The following IQCK variants were observed in gnomAD, a reference collection of about 807,000 sequenced individuals.
IQCK encodes the protein IQ motif containing K.
Under a neutral mutation model 28.1 loss-of-function variants are expected in IQCK, and 29 were observed. The observed-to-expected ratio is 1.03, with a 90% confidence interval of 0.77 to 1.41. The LOEUF (loss-of-function observed/expected upper bound fraction) is 1.41. Ranked by LOEUF, IQCK falls within the 40% of genes most tolerant of loss-of-function variation. The probability of loss-of-function intolerance (pLI) is 0.00; values close to 1 mark genes in which losing one functional copy is unlikely to be tolerated. For synonymous variants in IQCK, 113 were observed against 115.1 expected, an observed-to-expected ratio of 0.98 and a Z score of 0.12; for missense variants, 359 against 314.7, an observed-to-expected ratio of 1.14 and a Z score of -1.07.
chr16:19,738,639 C>T (rs560285779), intron 4 of IQCK, among the ~76,000 whole-genome samples: 4 of 152,238 alleles, frequency 2.6e-5, no homozygotes, highest in African/African-American at 4.8e-5. Flanking sequence ...ATTATTATGC[C>T]GATGAAATGA....
chr16:19,833,169 C>T (rs987187189), intron 9 of IQCK, among the ~76,000 whole-genome samples: 14 of 152,214 alleles, frequency 9.2e-5, no homozygotes, highest in African/African-American at 3.4e-4. Flanking sequence ...GTATTATTAA[C>T]TGTAGTTACC....
intron 6 of IQCK, among the ~76,000 whole-genome samples, chr16:19,786,240 G>T (rs191652565): frequency 2.0e-5 from 3 of 152,280 alleles, no homozygotes; most frequent in Admixed American, 2.0e-4. Context: ...AGTGGATGAG[G>T]AGAGACATTT....
chr16:19,736,186 G>A (rs891129350), intron 4 of IQCK: 12 of 455,744 alleles, frequency 2.6e-5, no homozygotes, highest in African/African-American at 2.4e-4. Flanking sequence ...GAGAGTCTTG[G>A]AACACAGTAA....
At chr16:19,735,544 C>A in intron 4 of IQCK, 94 bp downstream of exon 4, 3 of 1,032,370 alleles carry the variant, frequency 2.9e-6, no homozygotes, top group South Asian at 1.3e-5. Flanking sequence ...TCAGGTTGTT[C>A]TCCAGATGAC....
At chr16:19,764,781 C>G (rs2055204162) in intron 6 of IQCK, among the ~76,000 whole-genome samples, 1 of 149,882 alleles carries the variant, frequency 6.7e-6, no homozygotes, top group Admixed American at 6.6e-5. Context: ...AGCTCCACCT[C>G]CCGGGTTCAT....
chr16:19,746,737 C>A (rs2054918080), intron 4 of IQCK, among the ~76,000 whole-genome samples: 1 of 152,058 alleles, frequency 6.6e-6, no homozygotes, highest in South Asian at 2.1e-4. Flanking sequence ...TGAGGGTGAC[C>A]CAATGGTTCT....
chr16:19,827,806 A>G (rs1044232193), downstream of IQCK, among the ~76,000 whole-genome samples: 2 of 150,684 alleles, frequency 1.3e-5, no homozygotes, highest in African/African-American at 2.4e-5. Context: ...CAGGCCTTCA[A>G]ACCCAGACTA....
At chr16:19,820,432 G>A (rs1054356555) in intron 7 of IQCK, among the ~76,000 whole-genome samples, 2 of 152,094 alleles carry the variant, frequency 1.3e-5, no homozygotes, top group Non-Finnish European at 1.5e-5. Context: ...GGTGGATCAT[G>A]AGGTCAGCAG....
intron 9 of IQCK, among the ~76,000 whole-genome samples, chr16:19,836,608 G>C (rs1019751610): frequency 1.3e-5 from 2 of 152,134 alleles, no homozygotes; most frequent in African/African-American, 4.8e-5. Context: ...CCGCCTCCCG[G>C]GTTCAAGTGA....
intron 1 of IQCK, among the ~76,000 whole-genome samples, chr16:19,728,834 C>T (rs1414505942): frequency 6.6e-6 from 1 of 152,104 alleles, no homozygotes; most frequent in African/African-American, 2.4e-5. Context: ...CATTCTTGTC[C>T]CCAGCCTGAT....
intron 4 of IQCK, 191 bp downstream of exon 4, chr16:19,735,641 T>C: frequency 1.7e-6 from 1 of 576,480 alleles, no homozygotes; most frequent in Non-Finnish European, 3.1e-6. Context: ...CGCTGCCATC[T>C]GTCTGGCCAC....
At chr16:19,829,123 T>C (rs1020163450), downstream of IQCK, among the ~76,000 whole-genome samples, 1 of 150,922 alleles carries the variant, frequency 6.6e-6, no homozygotes, top group Non-Finnish European at 1.5e-5. Context: ...TGGAATCTTT[T>C]AGATAAGCAT....
chr16:19,732,766 T>C (rs1417026335), intron 2 of IQCK, among the ~76,000 whole-genome samples: 1 of 152,088 alleles, frequency 6.6e-6, no homozygotes, highest in Non-Finnish European at 1.5e-5. Context: ...CCCAGCACAA[T>C]TTTTTTTCTT....
intron 7 of IQCK, among the ~76,000 whole-genome samples, chr16:19,803,247 A>G (rs1215136181): frequency 6.6e-6 from 1 of 152,086 alleles, no homozygotes; most frequent in Non-Finnish European, 1.5e-5. Context: ...GGTTCAAGCA[A>G]TTCTCCTGCC....
At chr16:19,727,573 C>T (rs756858337) in intron 1 of IQCK, among the ~76,000 whole-genome samples, 9 of 140,544 alleles carry the variant, frequency 6.4e-5, no homozygotes, top group East Asian at 6.1e-4. Context: ...GGCGACAGAG[C>T]GAGACTTTGT....
exon 10 of IQCK, chr16:19,858,335 G>A (rs1051399992): frequency 6.8e-6 from 3 of 442,262 alleles, no homozygotes; most frequent in Non-Finnish European, 8.0e-6. Flanking sequence ...GGGGAAAAAG[G>A]TCTCATTAAA....
exon 10 of IQCK, chr16:19,856,694 A>G (rs2141132075): frequency 1.6e-6 from 1 of 633,708 alleles, no homozygotes; most frequent in South Asian, 2.2e-5. Flanking sequence ...GATAGGATTC[A>G]TTGCAAACAA....
chr16:19,771,122 C>G (rs1022870126), intron 6 of IQCK, among the ~76,000 whole-genome samples: 4 of 152,164 alleles, frequency 2.6e-5, no homozygotes, highest in African/African-American at 9.7e-5. Context: ...GACAGGGTCT[C>G]CCTCTGTTGC....
intron 4 of IQCK, among the ~76,000 whole-genome samples, chr16:19,757,832 T>G (rs1341083355): frequency 6.6e-6 from 1 of 152,206 alleles, no homozygotes; most frequent in African/African-American, 2.4e-5. Context: ...ACTGCCTTGA[T>G]TCTACAATTT....
Sources: gnomAD v4.1 joint callset for allele counts (sites outside exome capture counted in the v4.1 genomes callset) on GRCh38, gnomAD v4.1.1 for gene constraint, MANE v1.5 for transcripts, NCBI Gene and HGNC (gene_info 2026-07-23, HGNC 2026-07-21) for gene names.